The following PPAN variants were observed in gnomAD, a reference collection of about 807,000 sequenced individuals.
The protein encoded by PPAN is peter pan homolog.
A neutral mutation model predicts 48.5 loss-of-function variants in PPAN; 39 were observed. The observed-to-expected ratio is 0.80, with a 90% confidence interval of 0.62 to 1.05. PPAN has a LOEUF of 1.05. Among genes scored for constraint, PPAN ranks in the 50% least tolerant of loss-of-function variants. PPAN has a pLI of 0.00. For missense variants in PPAN, 736 were observed against 661.7 expected (o/e 1.11, Z -1.23); for synonymous variants, 315 against 268.6 (o/e 1.17, Z -1.69).
intron 5 of PPAN, among the ~76,000 whole-genome samples, chr19:10,109,219 A>G (rs529779931): frequency 2.0e-5 from 3 of 151,994 alleles, no homozygotes; most frequent in South Asian, 2.1e-4. Flanking sequence ...TCGGCCTCCC[A>G]AAGTGCTGGG....
At chr19:10,109,864 A>G (rs2088982888) in intron 6 of PPAN, 49 bp from the exon 7 acceptor site, 2 of 1,607,994 alleles carry the variant, frequency 1.2e-6, no homozygotes, top group African/African-American at 1.3e-5. Context: ...CGCCAGCCCC[A>G]TCACGTGCCC....
chr19:10,107,387 T>C, intron 2 of PPAN, 118 bp from the exon 3 acceptor site: 4 of 1,066,542 alleles, frequency 3.8e-6, no homozygotes, highest in Admixed American at 2.5e-5. Context: ...TTTGCTCCTC[T>C]GGGCTTGTTG....
chr19:10,110,000 C>T lies in PPAN; in HGVS notation c.678C>T (p.Asp226=). The part of the protein sequence containing the change: ...EKFPNMSRLQ[D]ISELLATGAG... ...TCCCCAACATGAGCCGCCTGCAGGACATCAGCGAGCTGCTGGCCACGTGAG... is the reference window on the plus strand; with the variant it reads ...TCCCCAACATGAGCCGCCTGCAGGATATCAGCGAGCTGCTGGCCACGTGAG... The change falls in exon 7 of 12, where the codon GAC becomes GAT. Residue 226 remains aspartate, a synonymous_variant. Coordinates refer to ENST00000253107, the MANE Select transcript of PPAN (RefSeq NM_020230.7). The T allele has an allele frequency of 4.3e-6, 7 of 1,613,972 alleles. No individual in the cohort carries two copies. Among genetic ancestry groups the T allele is most frequent in the Middle Eastern group, 3.3e-4 (2 of 6,062 alleles).
chr19:10,109,816 A>G, intron 6 of PPAN, 97 bp from the exon 7 acceptor site: 1 of 1,592,638 alleles, frequency 6.3e-7, no homozygotes, highest in South Asian at 1.1e-5. Flanking sequence ...GTCCAAAGTA[A>G]ACGCCCTGAC....
intron 3 of PPAN, 40 bp from the exon 4 acceptor site, chr19:10,107,764 T>C (rs749323185): frequency 2.5e-6 from 4 of 1,613,782 alleles, no homozygotes; most frequent in Non-Finnish European, 3.4e-6. Context: ...GCACCTCTGC[T>C]AGACCCCTCC....
chr19:10,109,999 A>T lies in PPAN; in HGVS notation c.677A>T (p.Asp226Val), dbSNP rs1445168875. The change falls in exon 7 of 12, where the codon GAC becomes GTC. Residue 226 changes from aspartate to valine, a missense_variant. Transcript: ENST00000253107. ...EKFPNMSRLQ[D>V]ISELLATGAG... Reference sequence around the variant, plus strand: ...TTCCCCAACATGAGCCGCCTGCAGGACATCAGCGAGCTGCTGGCCACGTGA... The same window carrying T: ...TTCCCCAACATGAGCCGCCTGCAGGTCATCAGCGAGCTGCTGGCCACGTGA... 3.1e-6 allele frequency: 5 copies of T among 1,613,822 alleles called. No individual in the cohort carries two copies. Among genetic ancestry groups the T allele is most frequent in the Non-Finnish European group, 4.2e-6 (5 of 1,179,936 alleles).
chr19:10,107,637 C>A (rs751313748), intron 3 of PPAN, 31 bp downstream of exon 3: 4 of 1,611,716 alleles, frequency 2.5e-6, no homozygotes, highest in Non-Finnish European at 3.4e-6. Flanking sequence ...TTCATCTCCC[C>A]CAGACCCCCC....
At chr19:10,107,056 G>A (rs1026879766) in intron 2 of PPAN, 1 of 503,618 alleles carries the variant, frequency 2.0e-6, no homozygotes, top group Non-Finnish European at 3.8e-6. Context: ...ATATGGTGTT[G>A]CGTGCCTGTA....
rs1489077098 is a variant in PPAN, at chr19:10,109,708, G to A, written c.590+1G>A. On this transcript the variant is annotated splice_donor_variant, in intron 6 of 11. Transcript: ENST00000253107. LOFTEE classifies it high-confidence loss of function. ...CCCAGGAGCTGGACTTCCGCCACTA[G>A]TGAGTGTCCCAGCAGGATGGGAGAC... The A allele has an allele frequency of 6.2e-7, 1 of 1,613,666 alleles. No homozygotes were observed. Among genetic ancestry groups the A allele is most frequent in the Admixed American group, 1.7e-5 (1 of 59,934 alleles).
intron 5 of PPAN, 95 bp downstream of exon 5, chr19:10,108,229 G>A: frequency 6.7e-7 from 1 of 1,481,818 alleles, no homozygotes; most frequent in Non-Finnish European, 9.0e-7. Context: ...TCCCAGCGCT[G>A]AGACTGGGAG....
chr19:10,111,693 A>C lies in PPAN; in HGVS notation c.*528A>C. 1 of 1,613,694 alleles carries C rather than the reference A, an allele frequency of 6.2e-7. No homozygotes were observed. Among genetic ancestry groups the C allele is most frequent in the South Asian group, 1.1e-5 (1 of 91,060 alleles). ...GGGAGGGGCTGGGGAACTGGGTAGCAGACACAGGCTGAGGATCGGCACGGG... is the reference window on the plus strand; with the variant it reads ...GGGAGGGGCTGGGGAACTGGGTAGCCGACACAGGCTGAGGATCGGCACGGG... On this transcript the variant is annotated 3_prime_UTR_variant, in exon 12 of 12. Transcript: ENST00000253107.
chr19:10,111,598 C>G lies in PPAN; in HGVS notation c.*433C>G. The G allele has an allele frequency of 1.6e-6, 2 of 1,251,446 alleles. No homozygotes were observed. Among genetic ancestry groups the G allele is most frequent in the Non-Finnish European group, 2.3e-6 (2 of 862,628 alleles). 77.5% of individuals were successfully genotyped at this position (1,251,446 alleles called of 1,614,324 possible). The stretch of plus-strand genomic sequence containing the variant: ...AACGTGGGTGGAAAGGCACGCTGGC[C>G]TGCTCTGCTGGCTGGGCCAGTAACT... On this transcript the variant is annotated 3_prime_UTR_variant, in exon 12 of 12. Coordinates refer to ENST00000253107, the MANE Select transcript of PPAN (RefSeq NM_020230.7).
In PPAN at chr19:10,109,715, T is replaced by A; in HGVS notation, c.590+8T>A. ...GCTGGACTTCCGCCACTAGTGAGTG[T>A]CCCAGCAGGATGGGAGACGAGGGGG... On this transcript the variant is annotated splice_region_variant and intron_variant, in intron 6 of 11. Transcript: ENST00000253107. 1 of 1,613,148 alleles carries A rather than the reference T, an allele frequency of 6.2e-7. No homozygotes were observed. Among genetic ancestry groups the A allele is most frequent in the Admixed American group, 1.7e-5 (1 of 59,844 alleles).
intron 3 of PPAN, 76 bp downstream of exon 3, chr19:10,107,682 C>CT: frequency 6.3e-7 from 1 of 1,597,134 alleles, no homozygotes; most frequent in South Asian, 1.1e-5. Context: ...ACATATGCCT[C>CT]TGAGCTGCTG....
Position 10,107,497 on chromosome 19 carries a change from A to C in PPAN, c.190-8A>C. The C allele has an allele frequency of 6.2e-7, 1 of 1,612,600 alleles. No individual in the cohort carries two copies. The highest frequency in any genetic ancestry group is 1.7e-5 in the Admixed American group (1 of 59,754). On this transcript the variant is annotated splice_polypyrimidine_tract_variant and splice_region_variant and intron_variant, in intron 2 of 11. Transcript: ENST00000253107. ...TATGTTTTCTTTTTTTCTTTTTGTC[A>C]TTTCCAGGTTCGTAAGAAGAACTCG...
At position 10,109,952 on chromosome 19, in the gene PPAN, G is replaced by A; in HGVS notation, c.630G>A (p.Met210Ile). The change falls in exon 7 of 12, where the codon ATG (methionine) becomes ATA (isoleucine). Residue 210 changes from methionine (M) to isoleucine (I), a missense_variant. Coordinates refer to ENST00000253107, the MANE Select transcript of PPAN (RefSeq NM_020230.7). ...KVVPVGASRGMKKLLQEKFPN... is the reference protein window; with the variant it reads ...KVVPVGASRGIKKLLQEKFPN... ...TTCCTGTGGGCGCGAGTCGCGGGAT[G>A]AAGAAGCTGCTCCAGGAGAAGTTCC... is the stretch of plus-strand genomic sequence containing the variant. 6.2e-7 allele frequency: 1 copy of A among 1,614,052 alleles called. No homozygotes were observed. Among genetic ancestry groups the A allele is most frequent in the South Asian group, 1.1e-5 (1 of 91,086 alleles).
intron 2 of PPAN, 184 bp downstream of exon 2, chr19:10,106,855 C>T (rs2145196849): frequency 1.0e-6 from 1 of 990,744 alleles, no homozygotes; most frequent in Non-Finnish European, 1.4e-6. Flanking sequence ...GGGCGCGCAG[C>T]TTGGGAGATA....
rs754249820 is a variant in PPAN, at chr19:10,109,646, A to G, written c.529A>G (p.Ile177Val). 4.1e-5 allele frequency: 66 copies of G among 1,613,640 alleles called. No individual in the cohort carries two copies. The highest frequency in any genetic ancestry group is 1.1e-5 in the South Asian group (1 of 91,024). The change falls in exon 6 of 12, where the codon ATC (isoleucine) becomes GTC (valine). Residue 177 changes from isoleucine (I) to valine (V), a missense_variant. By Grantham distance (29) the Ile-to-Val change is conservative. Transcript: ENST00000253107. ...CCCCTTCCAGGTGAACCTGAACACC[A>G]TCAAGCGCTGCCTCCTCATCGACTA... ...INVHKVNLNT[I>V]KRCLLIDYNP... is the part of the protein sequence containing the mutation.
Position 10,107,966 on chromosome 19 carries a change from C to T in PPAN, c.345C>T (p.Tyr115=). The T allele has an allele frequency of 6.2e-7, 1 of 1,607,374 alleles. No homozygotes were observed. Among genetic ancestry groups the T allele is most frequent in the Non-Finnish European group, 8.5e-7 (1 of 1,176,074 alleles). Residue 115 remains tyrosine (Y), a splice_region_variant and synonymous_variant, in exon 5 of 12, where the codon TAC becomes TAT. Coordinates refer to ENST00000253107, the MANE Select transcript of PPAN (RefSeq NM_020230.7). ...CCCTCCTCTCTCCTGTCCTACAGTA[C>T]TCGCTGGTGCGTGATGTGGTCTCCT... ...GPTLTFQVKK[Y]SLVRDVVSSL...
Sources: allele counts gnomAD v4.1 joint callset (sites outside exome capture counted in the v4.1 genomes callset), GRCh38; gene constraint gnomAD v4.1.1; transcripts MANE v1.5; gene names NCBI Gene and HGNC (gene_info 2026-07-23, HGNC 2026-07-21).